The following TRPM3 variants were observed in gnomAD, a reference collection of about 807,000 sequenced individuals.
TRPM3 encodes the protein long transient receptor potential channel 3.
Under a neutral mutation model 181.2 loss-of-function variants are expected in TRPM3, and 77 were observed. The ratio of observed to expected loss-of-function variants is 0.42; its 90% CI spans 0.35 to 0.51. The LOEUF (loss-of-function observed/expected upper bound fraction) is 0.51, where lower values mean the gene tolerates loss of function less well. Among genes scored for constraint, TRPM3 ranks in the 20% least tolerant of loss-of-function variants. The pLI is 0.01. For synonymous variants in TRPM3, 745 were observed against 796.4 expected (o/e 0.94, Z 1.09); for missense variants, 1,759 against 2,196.7 (o/e 0.80, Z 3.98).
chr9:71,085,849 T>C (rs1203434371), intron 1 of TRPM3, among the ~76,000 whole-genome samples: 1 of 152,188 alleles, frequency 6.6e-6, no homozygotes, highest in Non-Finnish European at 1.5e-5. Flanking sequence ...TTGCTGGTTA[T>C]ATATCCAAAA....
intron 1 of TRPM3, among the ~76,000 whole-genome samples, chr9:70,899,858 G>T (rs2096358130): frequency 6.6e-6 from 1 of 152,168 alleles, no homozygotes; most frequent in Admixed American, 6.5e-5. Flanking sequence ...TTTGAAGAAT[G>T]AATGAATGGA....
intron 1 of TRPM3, among the ~76,000 whole-genome samples, chr9:71,364,344 A>G (rs932182760): frequency 6.6e-6 from 1 of 152,222 alleles, no homozygotes; most frequent in East Asian, 1.9e-4. Context: ...ATAATATGAG[A>G]CACATGCAGT....
intron 1 of TRPM3, among the ~76,000 whole-genome samples, chr9:70,892,330 T>G (rs534909660): frequency 6.6e-6 from 1 of 152,084 alleles, no homozygotes; most frequent in South Asian, 2.1e-4. Flanking sequence ...AAAAAAGGCA[T>G]CTGTAAATTC....
chr9:71,240,093 T>C (rs1353450930), intron 1 of TRPM3, among the ~76,000 whole-genome samples: 1 of 152,204 alleles, frequency 6.6e-6, no homozygotes, highest in African/African-American at 2.4e-5. Context: ...CATCTAAATA[T>C]AGCTGAGAGG....
At chr9:70,570,241 T>G (rs2132146982) in intron 22 of TRPM3, among the ~76,000 whole-genome samples, 1 of 150,030 alleles carries the variant, frequency 6.7e-6, no homozygotes, top group African/African-American at 2.4e-5. Context: ...GTTTTTTTTT[T>G]TGCTAATTCC....
At position 71,286,493 on chromosome 9, in the gene TRPM3, G is replaced by T. The variant is rs574983113; in HGVS notation, c.183+160160C>A. ...ACATCACTAACCAAACTAGCTTTTT[G>T]GTCATTTGTGACCAAAGGAGTTACA... On this transcript the variant is annotated intron_variant, in intron 1 of 24. Coordinates refer to the TRPM3 transcript ENST00000357533. Among the ~76,000 whole-genome samples the T allele has an allele frequency of 1.5e-4, 23 of 152,120 alleles. No individual in the cohort carries two copies. In the Middle Eastern group the frequency reaches 0.017, roughly 113 times the overall value.
chr9:71,210,685 T>G (rs1504394), intron 1 of TRPM3, among the ~76,000 whole-genome samples: 65,161 of 152,048 alleles, frequency 0.43, 14,381 homozygotes, highest in East Asian at 0.52. Flanking sequence ...CTCTACACAG[T>G]TGGCACGTGG....
At chr9:71,292,277 T>C (rs1303795292) in intron 1 of TRPM3, among the ~76,000 whole-genome samples, 1 of 151,762 alleles carries the variant, frequency 6.6e-6, no homozygotes, top group Non-Finnish European at 1.5e-5. Flanking sequence ...AAAAGGAGAA[T>C]TGTATTTTAA....
chr9:71,223,441 G>T (rs995177408), intron 1 of TRPM3, among the ~76,000 whole-genome samples: 4 of 152,248 alleles, frequency 2.6e-5, no homozygotes, highest in Non-Finnish European at 4.4e-5. Context: ...GTGAGACTCT[G>T]AGATGTGTTG....
intron 1 of TRPM3, among the ~76,000 whole-genome samples, chr9:71,345,301 T>C (rs1411657345): frequency 6.6e-6 from 1 of 152,204 alleles, no homozygotes; most frequent in Non-Finnish European, 1.5e-5. Context: ...GTATGTTTAC[T>C]GCAGCACTAT....
intron 1 of TRPM3, among the ~76,000 whole-genome samples, chr9:71,372,833 A>T (rs756986615): frequency 6.6e-6 from 1 of 152,182 alleles, no homozygotes; most frequent in Non-Finnish European, 1.5e-5. Flanking sequence ...AACACATTAC[A>T]TAATCATATG....
chr9:70,804,319 AAAAC>A (rs1260538795), intron 6 of TRPM3, among the ~76,000 whole-genome samples: 6 of 152,128 alleles, frequency 3.9e-5, no homozygotes, highest in East Asian at 1.9e-4. Context: ...CTCCATCTCA[AAAAC>A]AAACAAAGAA....
chr9:71,139,294 G>T (rs962289153), intron 1 of TRPM3, among the ~76,000 whole-genome samples: 1 of 152,122 alleles, frequency 6.6e-6, no homozygotes, highest in African/African-American at 2.4e-5. Context: ...ATCTCAAGAG[G>T]TTTTCTCCTA....
At chr9:71,118,909 A>G (rs1187968923) in intron 1 of TRPM3, among the ~76,000 whole-genome samples, 1 of 152,186 alleles carries the variant, frequency 6.6e-6, no homozygotes, top group Admixed American at 6.5e-5. Context: ...AGCATTTACC[A>G]AAACATGCAA....
rs532714879 is a variant in TRPM3 at position 70,803,426 on chromosome 9, G to A, written c.974-19147C>T. ...TTATAGAAAGGGCTGCCTGAGCTCC[G>A]CCCCCCACCGCCACCGTTTTTGTTG... On this transcript the variant is annotated intron_variant, in intron 6 of 25. Coordinates refer to ENST00000677713, the MANE Select transcript of TRPM3 (RefSeq NM_001366145.2). 1.2e-4 allele frequency among the ~76,000 whole-genome samples: 18 copies of A among 149,426 alleles called. No individual in the cohort carries two copies. The South Asian group carries it at 2.1e-3, about 18-fold the overall frequency.
At chr9:70,939,407 T>C (rs1370409122) in intron 1 of TRPM3, among the ~76,000 whole-genome samples, 1 of 152,222 alleles carries the variant, frequency 6.6e-6, no homozygotes, top group African/African-American at 2.4e-5. Flanking sequence ...TTCAGTAGGA[T>C]TAATGACTTA....
At chr9:71,013,068 A>G (rs1295002261) in intron 1 of TRPM3, among the ~76,000 whole-genome samples, 2 of 152,134 alleles carry the variant, frequency 1.3e-5, no homozygotes, top group African/African-American at 4.8e-5. Flanking sequence ...GATGCTACAC[A>G]TATACACACA....
chr9:70,914,568 A>G (rs1440125845), intron 1 of TRPM3, among the ~76,000 whole-genome samples: 1 of 152,190 alleles, frequency 6.6e-6, no homozygotes, highest in African/African-American at 2.4e-5. Context: ...ACTACTGAAT[A>G]ATGACAATGC....
In TRPM3 at chr9:71,446,678, G is replaced by A. The variant is rs544441381; in HGVS notation, c.158C>T (p.Ser53Leu). The change falls in exon 1 of 25, where the codon TCG (serine) becomes TTG (leucine). Residue 53 changes from serine to leucine, a missense_variant. Physicochemically the swap from Ser to Leu is moderately radical, Grantham distance 145 (BLOSUM62 -2). Coordinates refer to the TRPM3 transcript ENST00000357533. ...CGGCGTCTGCTGCGACGGGAGTCCC[G>A]AGCGTTTGGTGGACCCCTGCTTGGA... The A allele has an allele frequency of 8.7e-5, 135 of 1,550,284 alleles. No homozygotes were observed. In the South Asian group the frequency reaches 1.5e-3, roughly 17 times the overall value.
Sources: gnomAD v4.1 joint callset for allele counts (sites outside exome capture counted in the v4.1 genomes callset) on GRCh38, gnomAD v4.1.1 for gene constraint, MANE v1.5 for transcripts, NCBI Gene and HGNC (gene_info 2026-07-23, HGNC 2026-07-21) for gene names.